The following OSR1 variants were observed in gnomAD, a reference collection of about 807,000 sequenced individuals.
OSR1 encodes the protein odd-skipped related transcription factor 1.
In OSR1, 3 loss-of-function variants were observed where a neutral mutation model predicts 15.7. That is an observed-to-expected ratio of 0.19 (90% CI 0.09 to 0.50). OSR1 has a LOEUF of 0.50. Ranked by LOEUF, OSR1 falls within the 20% of genes least tolerant of loss-of-function variation. The pLI is 0.97. For missense variants in OSR1, 271 were observed against 351.1 expected (o/e 0.77, Z 1.82); for synonymous variants, 166 against 152.7 (o/e 1.09, Z -0.64).
chr2:19,352,214 T>G lies in OSR1; in HGVS notation c.*61A>C. 6.4e-7 allele frequency: 1 copy of G among 1,571,196 alleles called. No homozygotes were observed. Among genetic ancestry groups the G allele is most frequent in the Non-Finnish European group, 8.7e-7 (1 of 1,150,198 alleles). On this transcript the variant is annotated 3_prime_UTR_variant, in exon 3 of 3. Transcript: ENST00000272223. Reference sequence around the variant, plus strand: ...TCCCGCTGCCCGCCAGAGTCAGGCTTCTGGTCCCTATGGAGGAGAGGGCCG... The same window carrying G: ...TCCCGCTGCCCGCCAGAGTCAGGCTGCTGGTCCCTATGGAGGAGAGGGCCG...
At position 19,353,725 on chromosome 2, in the gene OSR1, C is replaced by T; in HGVS notation, c.81G>A (p.Val27=). 3 of 1,614,094 alleles carry T rather than the reference C, an allele frequency of 1.9e-6. No individual in the cohort carries two copies. Among genetic ancestry groups the T allele is most frequent in the Non-Finnish European group, 2.5e-6 (3 of 1,179,996 alleles). ...QLTNYSFLQA[V]NGLPTVPSDH... is the part of the protein sequence containing the mutation. ...CCGAAGGCACTGTGGGCAGGCCGTT[C>T]ACTGCCTGAAGGAAGGAGTAGTTGG... The change falls in exon 2 of 3, where the codon GTG becomes GTA. Residue 27 remains valine (V), a synonymous_variant. Coordinates refer to ENST00000272223, the MANE Select transcript of OSR1 (RefSeq NM_145260.3).
Position 19,353,467 on chromosome 2 carries a change from G to A in OSR1, c.339C>T (p.Thr113=), listed in dbSNP as rs1371516323. Residue 113 remains threonine (T), a synonymous_variant, in exon 2 of 3, where the codon ACC becomes ACT. Coordinates refer to ENST00000272223, the MANE Select transcript of OSR1 (RefSeq NM_145260.3). ...GGTTGGCAAAATCAAAGCGCGGCTT[G>A]GTCTTGAGCGCTGGAACGCTGCCTC... ...TAGGSVPALK[T]KPRFDFANLA... The A allele has an allele frequency of 4.3e-6, 7 of 1,613,918 alleles. No individual in the cohort carries two copies. Among genetic ancestry groups the A allele is most frequent in the Non-Finnish European group, 5.1e-6 (6 of 1,179,864 alleles).
At chr2:19,356,606 A>G (rs1364759811) in intron 1 of OSR1, 1 of 152,274 alleles carries the variant, frequency 6.6e-6, no homozygotes, top group East Asian at 1.9e-4. Flanking sequence ...CAGACCGCGG[A>G]ACCCCAGGGC....
chr2:19,355,596 G>C (rs1053305846), intron 1 of OSR1: 1 of 152,270 alleles, frequency 6.6e-6, no homozygotes, highest in Admixed American at 6.5e-5. Context: ...AGGCCTTCCT[G>C]GGAATGGGGT....
At chr2:19,346,551 G>A (rs1664734474), downstream of OSR1, 1 of 152,332 alleles carries the variant, frequency 6.6e-6, no homozygotes, top group African/African-American at 2.4e-5. Context: ...GATCACTTGA[G>A]ACCAGGAGTT....
intron 1 of OSR1, chr2:19,355,814 G>A (rs1267964319): frequency 1.3e-5 from 2 of 152,234 alleles, no homozygotes; most frequent in Non-Finnish European, 2.9e-5. Flanking sequence ...TCGTGCCCGG[G>A]ACAAATTGAG....
chr2:19,351,525 A>C lies in OSR1; in HGVS notation c.*750T>G, dbSNP rs1168156419. On this transcript the variant is annotated 3_prime_UTR_variant, in exon 3 of 3. Transcript: ENST00000272223. ...CGTTTATTTAATAGTTAAAAAAAAAAAAAACTCCAGTGATAAATGTCCGTT... is the reference window on the plus strand; with the variant it reads ...CGTTTATTTAATAGTTAAAAAAAAACAAAACTCCAGTGATAAATGTCCGTT... 1 of 152,614 alleles carries C rather than the reference A, an allele frequency of 6.6e-6. No homozygotes were observed. The highest frequency in any genetic ancestry group is 1.9e-4 in the East Asian group (1 of 5,198). The allele number at this position is 152,614 out of a possible 1,614,324, so 9.5% of individuals were successfully genotyped here.
downstream of OSR1, among the ~76,000 whole-genome samples, chr2:19,350,423 A>G (rs1164176781): frequency 6.6e-6 from 1 of 152,024 alleles, no homozygotes; most frequent in Non-Finnish European, 1.5e-5. Flanking sequence ...GGAGGTGGGG[A>G]TGGGGTGGTG....
At chr2:19,348,886 C>T (rs976859321), downstream of OSR1, among the ~76,000 whole-genome samples, 2 of 151,920 alleles carry the variant, frequency 1.3e-5, no homozygotes, top group African/African-American at 4.9e-5. Context: ...AGAGGCTGTC[C>T]TAGGCCAGAT....
chr2:19,345,331 G>C, the OSR1 span, among the ~76,000 whole-genome samples: 1 of 151,838 alleles, frequency 6.6e-6, no homozygotes, highest in African/African-American at 2.4e-5. Context: ...GTCAATTTTG[G>C]CTTTTGTTGC....
intron 1 of OSR1, chr2:19,355,198 C>T (rs1326951653): frequency 6.6e-6 from 1 of 152,306 alleles, no homozygotes; most frequent in Non-Finnish European, 1.5e-5. Context: ...AAGTCATTGT[C>T]ACAGCAGGGT....
At chr2:19,349,692 T>C (rs1049012621), downstream of OSR1, among the ~76,000 whole-genome samples, 3 of 152,016 alleles carry the variant, frequency 2.0e-5, no homozygotes, top group African/African-American at 7.2e-5. Flanking sequence ...GGTGGAATGA[T>C]GTGTTCTGGG....
chr2:19,346,286 T>TA, the OSR1 span, among the ~76,000 whole-genome samples: 2 of 152,226 alleles, frequency 1.3e-5, no homozygotes, highest in African/African-American at 4.8e-5. Context: ...TTTGGGGGGT[T>TA]AATCCTTTCA....
chr2:19,345,443 C>T, the OSR1 span, among the ~76,000 whole-genome samples: 2 of 151,870 alleles, frequency 1.3e-5, no homozygotes, highest in African/African-American at 4.8e-5. Context: ...TTAGGTCTAA[C>T]GTTTAAGTCT....
chr2:19,353,458 G>A lies in OSR1; in HGVS notation c.348C>T (p.Arg116=). 4 of 1,614,024 alleles carry A rather than the reference G, an allele frequency of 2.5e-6. No homozygotes were observed. The highest frequency in any genetic ancestry group is 3.4e-6 in the Non-Finnish European group (4 of 1,179,862). ...CCAAGGCCAGGTTGGCAAAATCAAA[G>A]CGCGGCTTGGTCTTGAGCGCTGGAA... The part of the protein sequence containing the change: ...GSVPALKTKP[R]FDFANLALAA... Residue 116 remains arginine, a synonymous_variant, in exon 2 of 3, where the codon CGC becomes CGT. Coordinates refer to ENST00000272223, the MANE Select transcript of OSR1 (RefSeq NM_145260.3).
rs1487787445 is a variant in OSR1 at position 19,357,617 on chromosome 2, A to C, written c.-33+724T>G. 3 of 152,188 alleles carry C rather than the reference A, an allele frequency of 2.0e-5. No individual in the cohort carries two copies. The highest frequency in any genetic ancestry group is 4.4e-5 in the Non-Finnish European group (3 of 68,048). The allele number at this position is 152,188 out of a possible 1,614,324, so 9.4% of individuals were successfully genotyped here. On this transcript the variant is annotated intron_variant, in intron 1 of 2. Coordinates refer to ENST00000272223, the MANE Select transcript of OSR1 (RefSeq NM_145260.3). The surrounding 1 kb of genome is among the most constrained non-coding windows in gnomAD (Gnocchi z 5.0). ...CCTAGGGCTCCACAGAGTTTCCACT[A>C]GTGCTGTGTGTGGGTCTCGAATTGG...
At chr2:19,353,015 T>C (rs1664870761) in intron 2 of OSR1, 126 bp downstream of exon 2, 1 of 1,223,562 alleles carries the variant, frequency 8.2e-7, no homozygotes, top group African/African-American at 1.5e-5. Context: ...TCCTTCTTGA[T>C]TTTAAAGAAT....
downstream of OSR1, among the ~76,000 whole-genome samples, chr2:19,347,870 G>A (rs532452009): frequency 6.6e-6 from 1 of 152,234 alleles, no homozygotes; most frequent in Non-Finnish European, 1.5e-5. Flanking sequence ...CCACTTTCTC[G>A]TCTGCATTTT....
chr2:19,355,840 G>A (rs955881361), intron 1 of OSR1: 1 of 152,236 alleles, frequency 6.6e-6, no homozygotes, highest in Non-Finnish European at 1.5e-5. Flanking sequence ...CCCAGAGCTC[G>A]GACACAAGGA....
Sources: gnomAD v4.1 joint callset for allele counts (sites outside exome capture counted in the v4.1 genomes callset) on GRCh38, gnomAD v4.1.1 for gene constraint, Gnocchi (gnomAD v3.1) non-coding constraint, MANE v1.5 for transcripts, NCBI Gene and HGNC (gene_info 2026-07-23, HGNC 2026-07-21) for gene names.